The following SLC6A20 variants were observed in gnomAD, a reference collection of about 807,000 sequenced individuals.
SLC6A20 encodes the protein solute carrier family 6 member 20, also known as sodium- and chloride-dependent transporter XTRP3.
A neutral mutation model predicts 64.3 loss-of-function variants in SLC6A20; 73 were observed. The observed-to-expected ratio is 1.14, with a 90% CI of 0.94 to 1.38. The LOEUF is 1.38. Ranked by LOEUF, SLC6A20 falls within the 40% of genes most tolerant of loss-of-function variation. The pLI is 0.00. For missense variants in SLC6A20, 725 were observed against 772.8 expected, an observed-to-expected ratio of 0.94 and a Z score of 0.73; for synonymous variants, 347 against 329.6, an observed-to-expected ratio of 1.05 and a Z score of -0.57.
chr3:45,786,878 T>G (rs1333743899), intron 1 of SLC6A20, among the ~76,000 whole-genome samples: 1 of 152,226 alleles, frequency 6.6e-6, no homozygotes, highest in Non-Finnish European at 1.5e-5. Flanking sequence ...GAGTCCATAT[T>G]ACCCCAGATG....
rs1700092518 is a variant in SLC6A20 at position 45,781,967 on chromosome 3, C to T, written c.262+116G>A. The T allele has an allele frequency of 8.3e-6, 11 of 1,332,180 alleles. No homozygotes were observed. In the South Asian group the frequency reaches 1.9e-4, roughly 22 times the overall value. The allele number at this position is 1,332,180 out of a possible 1,614,324, so 82.5% of individuals were successfully genotyped here. A position where few individuals can be genotyped will look rare whatever the true frequency, so the allele number is the denominator to read the frequency against. ...CATTTGTTCACCCCAGGCAAGAGCT[C>T]TCTCTTGGGCCTTGTGCTCGCCCCT... On this transcript the variant is annotated intron_variant, in intron 2 of 10. Transcript: ENST00000358525.
chr3:45,784,275 G>A (rs1700139805), intron 1 of SLC6A20, among the ~76,000 whole-genome samples: 1 of 152,192 alleles, frequency 6.6e-6, no homozygotes, highest in Non-Finnish European at 1.5e-5. Flanking sequence ...TTCAAGAAAT[G>A]ATGCTAGAAC....
chr3:45,758,977 C>G lies in SLC6A20; in HGVS notation c.*1G>C, dbSNP rs1425463023. ...CCGTGAGCGGCTGGGAAGCCCACAT[C>G]TCAGGCCACGGGGTCTGCGTCTCCC... On this transcript the variant is annotated 3_prime_UTR_variant, in exon 11 of 11. Transcript: ENST00000358525. 6.3e-7 allele frequency: 1 copy of G among 1,599,264 alleles called. No individual in the cohort carries two copies. Among genetic ancestry groups the G allele is most frequent in the East Asian group, 2.2e-5 (1 of 44,612 alleles).
In SLC6A20 at chr3:45,781,578, G is replaced by A. The variant is rs116837336; in HGVS notation, c.262+505C>T. Among the ~76,000 whole-genome samples the A allele has an allele frequency of 9.2e-3, 1,405 of 152,280 alleles. 27 individuals carry two copies. Among genetic ancestry groups the A allele is most frequent in the African/African-American group, 0.03 (1,265 of 41,532 alleles). On this transcript the variant is annotated intron_variant, in intron 2 of 10. Coordinates refer to ENST00000358525, the MANE Select transcript of SLC6A20 (RefSeq NM_020208.4). Reference sequence around the variant, plus strand: ...ATGAAACAGTCCTCTCCTGCTGTCCGTGCGGGCCTCAGCTTCCGCACCCCA... The same window carrying A: ...ATGAAACAGTCCTCTCCTGCTGTCCATGCGGGCCTCAGCTTCCGCACCCCA...
intron 3 of SLC6A20, among the ~76,000 whole-genome samples, chr3:45,777,674 C>T (rs1699993977): frequency 6.6e-6 from 1 of 152,150 alleles, no homozygotes; most frequent in Non-Finnish European, 1.5e-5. Flanking sequence ...AACTGAGGTG[C>T]CCAGTGGCAG....
chr3:45,778,831 T>C (rs1700020334), intron 3 of SLC6A20, among the ~76,000 whole-genome samples: 1 of 152,116 alleles, frequency 6.6e-6, no homozygotes, highest in South Asian at 2.1e-4. Flanking sequence ...GGCAGAGTTG[T>C]GGCCAGTGTT....
At position 45,775,777 on chromosome 3, in the gene SLC6A20, G is replaced by A; in HGVS notation, c.566C>T (p.Thr189Ile). ...LVVYLCILRG[T>I]ESTGKVVYFT... ...CTGTCCCACCTTGCCAGTGGACTCG[G>A]TGCCACGCAGGATGCACAGGTACAC... is the stretch of plus-strand genomic sequence containing the variant. Residue 189 changes from threonine to isoleucine, a missense_variant, in exon 4 of 11, where the codon ACC becomes ATC. By Grantham distance (89) the Thr-to-Ile change is moderately conservative. Transcript: ENST00000358525. 3.1e-6 allele frequency: 5 copies of A among 1,613,782 alleles called. No individual in the cohort carries two copies. The highest frequency in any genetic ancestry group is 4.2e-6 in the Non-Finnish European group (5 of 1,179,906).
chr3:45,772,545 T>C lies in SLC6A20; in HGVS notation c.653A>G (p.His218Arg), dbSNP rs761277742. 1.2e-6 allele frequency: 2 copies of C among 1,613,982 alleles called. No individual in the cohort carries two copies. Among genetic ancestry groups the C allele is most frequent in the South Asian group, 2.2e-5 (2 of 91,040 alleles). The part of the protein sequence containing the change: ...IIYLIRGLTL[H>R]GATNGLMYMF... ...GTACATGAGGCCATTGGTGGCTCCG[T>C]GGAGCGTGAGGCCCCTGATGAGGTA... is the stretch of plus-strand genomic sequence containing the variant. The change falls in exon 5 of 11, where the codon CAC becomes CGC. Residue 218 changes from histidine (H) to arginine (R), a missense_variant. Coordinates refer to ENST00000358525, the MANE Select transcript of SLC6A20 (RefSeq NM_020208.4).
intron 1 of SLC6A20, among the ~76,000 whole-genome samples, chr3:45,788,065 C>A (rs973960123): frequency 1.3e-5 from 2 of 152,096 alleles, no homozygotes; most frequent in Non-Finnish European, 2.9e-5. Context: ...GCTGCCTCAG[C>A]CCCCGTGAGT....
Position 45,759,978 on chromosome 3 carries a change from C to G in SLC6A20, c.1508G>C (p.Trp503Ser). ...GCCAGCCCACATCACCTTCCAGTAC[C>G]AGCTCACAGCTCGGCCGGTCATGGC... is the stretch of plus-strand genomic sequence containing the variant. ...LKAMTGRAVS[W>S]YWKVMWAGVS... The change falls in exon 10 of 11, where the codon TGG becomes TCG. Residue 503 changes from tryptophan to serine, a missense_variant. Physicochemically the swap from Trp to Ser is radical, Grantham distance 177 (BLOSUM62 -3). Transcript: ENST00000358525. 1 of 1,613,842 alleles carries G rather than the reference C, an allele frequency of 6.2e-7. No homozygotes were observed. The highest frequency in any genetic ancestry group is 8.5e-7 in the Non-Finnish European group (1 of 1,179,940).
rs1347924677 is a variant in SLC6A20 at position 45,755,735 on chromosome 3, AT to A, written c.*3242del. The A allele has an allele frequency of 1.3e-5, 2 of 152,562 alleles. No homozygotes were observed. The highest frequency in any genetic ancestry group is 1.3e-4 in the Admixed American group (2 of 15,266). 9.5% of individuals were successfully genotyped at this position (152,562 alleles called of 1,614,324 possible). On this transcript the variant is annotated 3_prime_UTR_variant, in exon 11 of 11. Coordinates refer to ENST00000358525, the MANE Select transcript of SLC6A20 (RefSeq NM_020208.4). ...GGCAAAGAACATTTTTTGAGACAGG[AT>A]TGATTACTGGCTCAAGAGGATTCTT...
chr3:45,755,578 T>C lies in SLC6A20; in HGVS notation c.*3400A>G, dbSNP rs754719228. 2.0e-5 allele frequency: 3 copies of C among 152,502 alleles called. No individual in the cohort carries two copies. The highest frequency in any genetic ancestry group is 4.4e-5 in the Non-Finnish European group (3 of 68,028). The allele number at this position is 152,502 out of a possible 1,614,324, so 9.4% of individuals were successfully genotyped here. On this transcript the variant is annotated 3_prime_UTR_variant, in exon 11 of 11. Coordinates refer to ENST00000358525, the MANE Select transcript of SLC6A20 (RefSeq NM_020208.4). Reference sequence around the variant, plus strand: ...AGTAAAAACAGAAAGCTTTCCGGAGTCCATGATCTGGCCATCGTGTCATGG... The same window carrying C: ...AGTAAAAACAGAAAGCTTTCCGGAGCCCATGATCTGGCCATCGTGTCATGG...
intron 1 of SLC6A20, among the ~76,000 whole-genome samples, chr3:45,791,962 T>C (rs1362228831): frequency 1.3e-5 from 2 of 152,174 alleles, no homozygotes; most frequent in Non-Finnish European, 2.9e-5. Flanking sequence ...GAGGGCTTTG[T>C]GGAAGAAGTC....
At chr3:45,793,331 A>G (rs1260783379) in intron 1 of SLC6A20, among the ~76,000 whole-genome samples, 1 of 150,788 alleles carries the variant, frequency 6.6e-6, no homozygotes, top group Non-Finnish European at 1.5e-5. Context: ...TTTATGTAAA[A>G]TAGTTAGTGC....
chr3:45,792,424 C>T (rs943860875), intron 1 of SLC6A20, among the ~76,000 whole-genome samples: 1 of 152,172 alleles, frequency 6.6e-6, no homozygotes, highest in African/African-American at 2.4e-5. Flanking sequence ...GTTGTGAAGA[C>T]CAAATTGAAT....
Position 45,772,555 on chromosome 3 carries a change from G to T in SLC6A20, c.643C>A (p.Leu215Ile). The change falls in exon 5 of 11, where the codon CTC becomes ATC. Residue 215 changes from leucine to isoleucine, a missense_variant. By Grantham distance (5) the Leu-to-Ile change is conservative (BLOSUM62 2). Coordinates refer to ENST00000358525, the MANE Select transcript of SLC6A20 (RefSeq NM_020208.4). Reference protein sequence around the residue: ...CVLIIYLIRGLTLHGATNGLM... With the variant: ...CVLIIYLIRGITLHGATNGLM... The stretch of plus-strand genomic sequence containing the variant: ...CCATTGGTGGCTCCGTGGAGCGTGA[G>T]GCCCCTGATGAGGTAGATGATGAGC... The T allele has an allele frequency of 2.5e-6, 4 of 1,614,002 alleles. No homozygotes were observed. The highest frequency in any genetic ancestry group is 3.4e-6 in the Non-Finnish European group (4 of 1,179,960).
intron 3 of SLC6A20, among the ~76,000 whole-genome samples, chr3:45,779,400 C>CAGA (rs1308137117): frequency 5.4e-4 from 82 of 152,326 alleles, no homozygotes; most frequent in African/African-American, 1.9e-3. Context: ...GCCCCTTCCA[C>CAGA]TTTTCTACAG....
At chr3:45,771,520 G>C (rs540282011) in intron 5 of SLC6A20, 62 bp from the exon 6 acceptor site, 15 of 1,601,622 alleles carry the variant, frequency 9.4e-6, no homozygotes, top group Non-Finnish European at 1.3e-5. Context: ...GCTCAGACCC[G>C]CAACAGGAGA....
intron 3 of SLC6A20, among the ~76,000 whole-genome samples, chr3:45,778,434 G>T (rs979428451): frequency 2.6e-5 from 4 of 152,222 alleles, no homozygotes; most frequent in African/African-American, 4.8e-5. Flanking sequence ...TCAAAGTAGA[G>T]GGACTAAGGG....
Sources: allele counts gnomAD v4.1 joint callset (sites outside exome capture counted in the v4.1 genomes callset), GRCh38; gene constraint gnomAD v4.1.1; transcripts MANE v1.5; gene names NCBI Gene and HGNC (gene_info 2026-07-23, HGNC 2026-07-21).